Variants in GRIK1 observed in about 807,000 individuals in gnomAD.
GRIK1 encodes the protein glutamate ionotropic receptor kainate type subunit 1, also known as glutamate receptor ionotropic, kainate 1.
In GRIK1, 69 loss-of-function variants were observed where a neutral mutation model predicts 105.7. The ratio of observed to expected loss-of-function variants is 0.65; its 90% CI spans 0.54 to 0.80. GRIK1 has a LOEUF of 0.80. GRIK1 is among the 30% of genes least tolerant of loss of function. GRIK1 has a pLI of 0.00. For missense variants in GRIK1, 1,109 were observed against 1,167.3 expected, an observed-to-expected ratio of 0.95 and a Z score of 0.73; for synonymous variants, 438 against 431.3, an observed-to-expected ratio of 1.02 and a Z score of -0.19.
chr21:29,599,648 T>C (rs1187526701), intron 7 of GRIK1, among the ~76,000 whole-genome samples: 1 of 152,136 alleles, frequency 6.6e-6, no homozygotes, highest in Non-Finnish European at 1.5e-5. Context: ...TGTGGTTGCA[T>C]CACTCCAATC....
At chr21:29,642,337 AC>A (rs2062528294) in intron 7 of GRIK1, among the ~76,000 whole-genome samples, 1 of 152,238 alleles carries the variant, frequency 6.6e-6, no homozygotes, top group African/African-American at 2.4e-5. Context: ...ATGGGAATAA[AC>A]TTTTCCAGTT....
intron 7 of GRIK1, among the ~76,000 whole-genome samples, chr21:29,634,491 T>A (rs1446149116): frequency 6.6e-6 from 1 of 152,222 alleles, no homozygotes; most frequent in Non-Finnish European, 1.5e-5. Flanking sequence ...CAAAATGTGT[T>A]AAGAATTTGC....
intron 12 of GRIK1, among the ~76,000 whole-genome samples, chr21:29,582,622 G>A (rs976412847): frequency 2.0e-5 from 3 of 152,058 alleles, no homozygotes; most frequent in African/African-American, 7.2e-5. Flanking sequence ...GACCTATGTA[G>A]CCCAAAGGAG....
rs1263139402 is a variant in GRIK1, at chr21:29,853,009, A to G, written c.118+86374T>C. 3.3e-5 allele frequency among the ~76,000 whole-genome samples: 5 copies of G among 152,310 alleles called. No homozygotes were observed. In the South Asian group the frequency reaches 1.0e-3, roughly 32 times the overall value. On this transcript the variant is annotated intron_variant, in intron 1 of 17. Transcript: ENST00000327783. ...TTGCATAAAATCAACATATCTTCTCACTCTTAAAGTACTATTTTGTGTCAT... is the reference window on the plus strand; with the variant it reads ...TTGCATAAAATCAACATATCTTCTCGCTCTTAAAGTACTATTTTGTGTCAT...
chr21:29,709,087 CAT>C (rs2063982803), intron 1 of GRIK1, among the ~76,000 whole-genome samples: 4 of 152,120 alleles, frequency 2.6e-5, no homozygotes, highest in Admixed American at 2.6e-4. Context: ...CACCTACACA[CAT>C]ATATGTCTAT....
chr21:29,849,057 G>A (rs1264465276), intron 1 of GRIK1, among the ~76,000 whole-genome samples: 1 of 151,794 alleles, frequency 6.6e-6, no homozygotes, highest in East Asian at 1.9e-4. Flanking sequence ...ATAGTTCCTG[G>A]CATATAATAG....
chr21:29,939,534 C>A lies in GRIK1; in HGVS notation c.-34G>T. 7.2e-7 allele frequency: 1 copy of A among 1,389,454 alleles called. No homozygotes were observed. The highest frequency in any genetic ancestry group is 1.5e-5 in the African/African-American group (1 of 67,560). 86.1% of individuals were successfully genotyped at this position (1,389,454 alleles called of 1,614,324 possible). ...CTTCTTAATTCATGCCGAGATACAGCCGCTGCCGGACGCCCGAGAGATGCA... is the reference window on the plus strand; with the variant it reads ...CTTCTTAATTCATGCCGAGATACAGACGCTGCCGGACGCCCGAGAGATGCA... On this transcript the variant is annotated 5_prime_UTR_variant, in exon 1 of 18. Coordinates refer to ENST00000327783, the MANE Select transcript of GRIK1 (RefSeq NM_001330994.2).
chr21:29,731,316 T>C (rs1281526942), intron 1 of GRIK1, among the ~76,000 whole-genome samples: 1 of 152,200 alleles, frequency 6.6e-6, no homozygotes. Flanking sequence ...GCAAAATGCC[T>C]TCAGCATCCC....
intron 1 of GRIK1, among the ~76,000 whole-genome samples, chr21:29,869,157 A>G (rs1349909535): frequency 1.3e-5 from 2 of 152,218 alleles, no homozygotes; most frequent in African/African-American, 4.8e-5. Flanking sequence ...GTTTTCACAG[A>G]CCTTTTCCGA....
At chr21:29,868,099 A>C (rs2268215) in intron 1 of GRIK1, among the ~76,000 whole-genome samples, 13,054 of 152,110 alleles carry the variant, frequency 0.086, 737 homozygotes, top group East Asian at 0.21. Context: ...AGAGAAAGTA[A>C]GTTTCAAAAA....
chr21:29,785,336 G>T (rs930831428), intron 1 of GRIK1, among the ~76,000 whole-genome samples: 1 of 152,124 alleles, frequency 6.6e-6, no homozygotes, highest in Non-Finnish European at 1.5e-5. Context: ...GCTGAGGCGG[G>T]TGGTTCACCT....
chr21:29,830,527 G>A (rs1283870237), intron 1 of GRIK1, among the ~76,000 whole-genome samples: 2 of 152,130 alleles, frequency 1.3e-5, no homozygotes, highest in African/African-American at 2.4e-5. Context: ...TATAGATTGT[G>A]AGGTACTGGA....
At chr21:29,676,505 G>A (rs192228723) in intron 3 of GRIK1, among the ~76,000 whole-genome samples, 77 of 152,198 alleles carry the variant, frequency 5.1e-4, no homozygotes, top group Admixed American at 3.9e-3. Flanking sequence ...GTTAAAAGTC[G>A]TTTGCTAAAC....
chr21:29,803,508 T>A (rs1378830598), intron 1 of GRIK1, among the ~76,000 whole-genome samples: 1 of 152,120 alleles, frequency 6.6e-6, no homozygotes, highest in East Asian at 1.9e-4. Context: ...GAGAGAATTT[T>A]CTGGGCTGGG....
In GRIK1 at chr21:29,601,125, G is replaced by A. The variant is rs569562822; in HGVS notation, c.1099-2188C>T. ...CATTTGAAATGGTGGACTGAGCAAGGCAGACAGCCCTCTCCACGTGAGTGG... is the reference window on the plus strand; with the variant it reads ...CATTTGAAATGGTGGACTGAGCAAGACAGACAGCCCTCTCCACGTGAGTGG... On this transcript the variant is annotated intron_variant, in intron 7 of 17. Coordinates refer to ENST00000327783, the MANE Select transcript of GRIK1 (RefSeq NM_001330994.2). 317 of 406,370 alleles carry A rather than the reference G, an allele frequency of 7.8e-4. 19 individuals are homozygous for A. The Middle Eastern group carries it at 0.045, about 58-fold the overall frequency. The allele number at this position is 406,370 out of a possible 1,614,324, so 25.2% of individuals were successfully genotyped here.
chr21:29,692,766 G>A (rs9978487), intron 2 of GRIK1, among the ~76,000 whole-genome samples: 32,535 of 151,930 alleles, frequency 0.21, 7,019 homozygotes, highest in African/African-American at 0.54. Flanking sequence ...GTAGAGACAG[G>A]GTTTCACCAT....
intron 1 of GRIK1, among the ~76,000 whole-genome samples, chr21:29,790,775 T>C (rs1474106434): frequency 1.3e-5 from 2 of 152,234 alleles, no homozygotes; most frequent in Non-Finnish European, 2.9e-5. Flanking sequence ...CTTATTCACC[T>C]ATTTACAATG....
At chr21:29,629,957 T>C (rs1460232312) in intron 7 of GRIK1, among the ~76,000 whole-genome samples, 1 of 152,184 alleles carries the variant, frequency 6.6e-6, no homozygotes, top group Non-Finnish European at 1.5e-5. Flanking sequence ...ACCGTGGATT[T>C]GCCATGAGGT....
chr21:29,864,771 G>T (rs560473283), intron 1 of GRIK1, among the ~76,000 whole-genome samples: 11 of 152,230 alleles, frequency 7.2e-5, no homozygotes, highest in Admixed American at 7.2e-4. Flanking sequence ...CAGTTCTTAA[G>T]TATGTGGAAC....
Sources: allele counts gnomAD v4.1 joint callset (sites outside exome capture counted in the v4.1 genomes callset), GRCh38; gene constraint gnomAD v4.1.1; transcripts MANE v1.5; gene names NCBI Gene and HGNC (gene_info 2026-07-23, HGNC 2026-07-21).